ACAN: variants seen among roughly 807,000 people sequenced by gnomAD.
ACAN encodes the protein aggrecan core protein.
A neutral mutation model predicts 169.1 loss-of-function variants in ACAN; 47 were observed. The ratio of observed to expected loss-of-function variants is 0.28; its 90% confidence interval spans 0.22 to 0.35. The LOEUF (loss-of-function observed/expected upper bound fraction) is 0.35. ACAN is among the 10% of genes least tolerant of loss of function. The pLI, the probability that ACAN is intolerant of heterozygous loss-of-function variation, is 1.00. For missense variants in ACAN, 2,716 were observed against 2,759.9 expected, an observed-to-expected ratio of 0.98 and a Z score of 0.36; for synonymous variants, 1,115 against 1,112.2, an observed-to-expected ratio of 1.00 and a Z score of -0.05.
intron 1 of ACAN, among the ~76,000 whole-genome samples, chr15:88,823,905 C>T (rs1041131059): frequency 6.6e-6 from 1 of 152,150 alleles, no homozygotes; most frequent in South Asian, 2.1e-4. Flanking sequence ...CGTGTGTGCA[C>T]TCCCGGCTAC....
chr15:88,821,102 T>C (rs1382472389), intron 1 of ACAN, among the ~76,000 whole-genome samples: 2 of 152,156 alleles, frequency 1.3e-5, no homozygotes, highest in East Asian at 1.9e-4. Flanking sequence ...CATGATTCGA[T>C]TACCTCCCAC....
rs1034320787 is a variant in ACAN, at chr15:88,868,344, G to C, written c.7060+15G>C. ...GTGTGAGATTGGTACGGCCGTCTTG[G>C]CTTCAGCTAATGTTACTAACTGCTG... On this transcript the variant is annotated intron_variant, in intron 14 of 18. Transcript: ENST00000560601. This position sits in a 1 kb window ranked among gnomAD's most constrained non-coding sequence, Gnocchi z 5.2. The C allele has an allele frequency of 2.8e-6, 2 of 702,086 alleles. No individual in the cohort carries two copies. The highest frequency in any genetic ancestry group is 3.5e-5 in the African/African-American group (2 of 57,224). 43.5% of individuals were successfully genotyped at this position (702,086 alleles called of 1,614,324 possible). A position where few individuals can be genotyped will look rare whatever the true frequency, so the allele number is the denominator to read the frequency against.
At chr15:88,819,702 G>A (rs768994049) in intron 1 of ACAN, among the ~76,000 whole-genome samples, 3 of 151,862 alleles carry the variant, frequency 2.0e-5, no homozygotes, top group African/African-American at 7.3e-5. Context: ...GGAATTGAAG[G>A]CTGCAGTGAG....
chr15:88,850,918 T>C (rs1896915487), intron 10 of ACAN: 1 of 147,214 alleles, frequency 6.8e-6, no homozygotes, highest in African/African-American at 2.6e-5. Flanking sequence ...TACTCCAGCC[T>C]GGGCAGCAGA....
At chr15:88,841,005 C>CT (rs1896645140) in intron 4 of ACAN, among the ~76,000 whole-genome samples, 1 of 152,028 alleles carries the variant, frequency 6.6e-6, no homozygotes, top group Non-Finnish European at 1.5e-5. Flanking sequence ...ATTAGCCAGG[C>CT]GTGGTGGTGG....
intron 7 of ACAN, among the ~76,000 whole-genome samples, 167 bp downstream of exon 7, chr15:88,846,049 G>A (rs1896786286): frequency 6.6e-6 from 1 of 152,118 alleles, no homozygotes; most frequent in Admixed American, 6.5e-5. Context: ...AAAACAATAG[G>A]CCAGACTAGT....
Position 88,872,257 on chromosome 15 carries a change from G to T in ACAN, c.7302+172G>T, listed in dbSNP as rs548644339. 6.6e-6 allele frequency among the ~76,000 whole-genome samples: 1 copy of T among 152,160 alleles called. No homozygotes were observed. The highest frequency in any genetic ancestry group is 1.5e-5 in the Non-Finnish European group (1 of 68,022). ...CATCTCTGCCTCTGGAACCCAGCCCGGGGCTGGACAGATTGAGCTAATGAT... is the reference window on the plus strand; with the variant it reads ...CATCTCTGCCTCTGGAACCCAGCCCTGGGCTGGACAGATTGAGCTAATGAT... On this transcript the variant is annotated intron_variant, in intron 16 of 18. Transcript: ENST00000560601. The surrounding 1 kb of genome is among the most constrained non-coding windows in gnomAD (Gnocchi z 5.4).
chr15:88,854,322 G>A (rs188469384), intron 11 of ACAN, among the ~76,000 whole-genome samples: 1 of 152,268 alleles, frequency 6.6e-6, no homozygotes, highest in Admixed American at 6.5e-5. Context: ...GTGGGGCTGG[G>A]GTGAGGTCAT....
intron 1 of ACAN, among the ~76,000 whole-genome samples, chr15:88,827,983 T>A (rs1896266722): frequency 6.6e-6 from 1 of 151,896 alleles, no homozygotes; most frequent in Admixed American, 6.6e-5. Flanking sequence ...CACCCACCCA[T>A]GCACACATCC....
rs1895721064 is a variant in ACAN at position 88,807,765 on chromosome 15, T to TGTGA, written c.-8+3959_-8+3960insAGTG. Among the ~76,000 whole-genome samples the TGTGA allele has an allele frequency of 6.6e-6, 1 of 151,468 alleles. No homozygotes were observed. The highest frequency in any genetic ancestry group is 2.1e-4 in the South Asian group (1 of 4,772). On this transcript the variant is annotated intron_variant, in intron 1 of 18. Coordinates refer to ENST00000560601, the MANE Select transcript of ACAN (RefSeq NM_001369268.1). This position sits in a 1 kb window ranked among gnomAD's most constrained non-coding sequence, Gnocchi z 4.0. ...GTGGTGGAGTGTGTGTGTGTGTGTG[T>TGTGA]GTGTGTGTGTGTGTGTGTGTGCATG...
rs1055836169 is a variant in ACAN, at chr15:88,868,920, G to T, written c.7060+591G>T. ...CATCACTATTGTGACAGCTGCCATG[G>T]CAATGCCATGCCAGCCTATGCTTCC... On this transcript the variant is annotated intron_variant, in intron 14 of 18. Transcript: ENST00000560601. This position sits in a 1 kb window ranked among gnomAD's most constrained non-coding sequence, Gnocchi z 5.2. Among the ~76,000 whole-genome samples, 8 of 152,202 alleles carry T rather than the reference G, an allele frequency of 5.3e-5. No homozygotes were observed. Among genetic ancestry groups the T allele is most frequent in the African/African-American group, 1.7e-4 (7 of 41,440 alleles).
Position 88,874,073 on chromosome 15 carries a change from A to G in ACAN, c.7630+49A>G. 1 of 1,597,394 alleles carries G rather than the reference A, an allele frequency of 6.3e-7. No individual in the cohort carries two copies. Among genetic ancestry groups the G allele is most frequent in the South Asian group, 1.1e-5 (1 of 90,482 alleles). On this transcript the variant is annotated intron_variant, in intron 18 of 18. Transcript: ENST00000560601. This position sits in a 1 kb window ranked among gnomAD's most constrained non-coding sequence, Gnocchi z 7.3. ...GCTGAGCACAGGGTTAGATTCTGCC[A>G]GCACAGCCTTCCCCCCGTCCCCTCT...
chr15:88,842,229 G>T (rs1206625559), intron 5 of ACAN, among the ~76,000 whole-genome samples: 1 of 152,096 alleles, frequency 6.6e-6, no homozygotes, highest in African/African-American at 2.4e-5. Context: ...GTCCAGCCCA[G>T]CCTTACCCTC....
chr15:88,855,289 A>G lies in ACAN; in HGVS notation c.2704A>G (p.Ser902Gly). The change falls in exon 12 of 19, where the codon AGT becomes GGT. Residue 902 changes from serine to glycine, a missense_variant. By Grantham distance (56) the Ser-to-Gly change is moderately conservative. This residue lies in a region of ACAN where 1,283 missense variants were observed against 1,281.5 expected (regional missense o/e 1.00). Coordinates refer to ENST00000560601, the MANE Select transcript of ACAN (RefSeq NM_001369268.1). Reference protein sequence around the residue: ...SGLPSGDLDSSGLTSTVGSGL... With the variant: ...SGLPSGDLDSGGLTSTVGSGL... ...ACTGCCCTCTGGAGACCTGGACTCC[A>G]GTGGTCTTACTTCCACAGTGGGCTC... is the stretch of plus-strand genomic sequence containing the variant. 6.2e-7 allele frequency: 1 copy of G among 1,611,272 alleles called. No homozygotes were observed. Among genetic ancestry groups the G allele is most frequent in the South Asian group, 1.1e-5 (1 of 91,066 alleles).
chr15:88,851,607 G>C lies in ACAN; in HGVS notation c.2027-187G>C, dbSNP rs1230561438. 2 of 621,746 alleles carry C rather than the reference G, an allele frequency of 3.2e-6. No individual in the cohort carries two copies. Among genetic ancestry groups the C allele is most frequent in the Non-Finnish European group, 5.4e-6 (2 of 369,020 alleles). 38.5% of individuals were successfully genotyped at this position (621,746 alleles called of 1,614,324 possible). ...GATCACTGGAACTAAAGTGCTGATG[G>C]TGCATATGGATATTATATCATTGGT... On this transcript the variant is annotated intron_variant, in intron 10 of 18. Transcript: ENST00000560601. The surrounding 1 kb of genome is among the most constrained non-coding windows in gnomAD (Gnocchi z 4.3).
chr15:88,853,658 T>C (rs1641480697), intron 11 of ACAN, among the ~76,000 whole-genome samples: 1 of 152,104 alleles, frequency 6.6e-6, no homozygotes, highest in Non-Finnish European at 1.5e-5. Context: ...GAAAGAAATG[T>C]AAATTTATTG....
chr15:88,858,884 G>A lies in ACAN; in HGVS notation c.6299G>A (p.Ser2100Asn). The change falls in exon 12 of 19, where the codon AGC becomes AAC. Residue 2100 changes from serine to asparagine, a missense_variant. By Grantham distance (46) the Ser-to-Asn change is conservative. This residue lies in a region of ACAN where 1,389 missense variants were observed against 1,363.7 expected (regional missense o/e 1.02). Coordinates refer to ENST00000560601, the MANE Select transcript of ACAN (RefSeq NM_001369268.1). The surrounding 1 kb of genome is among the most constrained non-coding windows in gnomAD (Gnocchi z 4.0). ...GAAGTATCATCAGTCCCAGAATCTA[G>A]CAGTGAGACGTCCGCCTATCCTGAA... Reference protein sequence around the residue: ...GVEVSSVPESSSETSAYPEAG... With the variant: ...GVEVSSVPESNSETSAYPEAG... 6.2e-7 allele frequency: 1 copy of A among 1,610,050 alleles called. No homozygotes were observed. The highest frequency in any genetic ancestry group is 1.1e-5 in the South Asian group (1 of 90,870).
At chr15:88,804,452 G>A (rs1410128794) in intron 1 of ACAN, among the ~76,000 whole-genome samples, 2 of 152,180 alleles carry the variant, frequency 1.3e-5, no homozygotes, top group African/African-American at 4.8e-5. Flanking sequence ...ACTGCCAGCA[G>A]GGGAGAGGAG....
chr15:88,810,494 C>A (rs1895793765), intron 1 of ACAN, among the ~76,000 whole-genome samples: 1 of 152,076 alleles, frequency 6.6e-6, no homozygotes, highest in East Asian at 1.9e-4. Flanking sequence ...AAAGTCTGGA[C>A]CCTTGGCCTG....
Sources: gnomAD v4.1 joint callset for allele counts (sites outside exome capture counted in the v4.1 genomes callset) on GRCh38, gnomAD v4.1.1 for gene constraint, gnomAD v4.1.1 regional missense constraint, Gnocchi (gnomAD v3.1) non-coding constraint, MANE v1.5 for transcripts, NCBI Gene and HGNC (gene_info 2026-07-23, HGNC 2026-07-21) for gene names.